The following NUP210L variants were observed in gnomAD, a reference collection of about 807,000 sequenced individuals.
NUP210L encodes nucleoporin 210 like.
In NUP210L, 74 loss-of-function variants were observed where a neutral mutation model predicts 208.5. That is an observed-to-expected ratio of 0.35 (90% CI 0.29 to 0.43). The LOEUF (loss-of-function observed/expected upper bound fraction) is 0.43. NUP210L is among the 20% of genes least tolerant of loss of function. The pLI, the probability that NUP210L is intolerant of heterozygous loss-of-function variation, is 1.00. For synonymous variants in NUP210L, 780 were observed against 816.9 expected (o/e 0.95, Z 0.77); for missense variants, 1,843 against 2,289.4 (o/e 0.81, Z 3.98).
chr1:154,029,754 G>T (rs1652106616), intron 28 of NUP210L, 142 bp downstream of exon 28: 3 of 638,112 alleles, frequency 4.7e-6, no homozygotes, highest in Non-Finnish European at 7.9e-6. Flanking sequence ...GAATTATAAA[G>T]ATCTAGGAAG....
At chr1:153,994,729 T>A (rs1649721615) in intron 38 of NUP210L, among the ~76,000 whole-genome samples, 1 of 151,766 alleles carries the variant, frequency 6.6e-6, no homozygotes, top group Non-Finnish European at 1.5e-5. Context: ...ATAAGGCAGT[T>A]TCATCTGGGC....
intron 10 of NUP210L, 136 bp downstream of exon 10, chr1:154,126,187 T>C (rs1175792671): frequency 1.4e-6 from 1 of 689,760 alleles, no homozygotes; most frequent in Admixed American, 3.0e-5. Context: ...GGTATACACT[T>C]ACGAATTTGC....
At chr1:154,041,377 C>T (rs933350891) in intron 27 of NUP210L, among the ~76,000 whole-genome samples, 10 of 152,118 alleles carry the variant, frequency 6.6e-5, no homozygotes, top group African/African-American at 1.4e-4. Flanking sequence ...GTCACTCAGG[C>T]TGGAGTACAG....
intron 27 of NUP210L, among the ~76,000 whole-genome samples, chr1:154,036,365 ACT>A (rs1652549546): frequency 1.4e-5 from 1 of 72,422 alleles, no homozygotes; most frequent in Non-Finnish European, 3.1e-5. Context: ...TGTGTGTATA[ACT>A]TTTTTTTTTT....
At chr1:154,047,046 G>A (rs979989986) in intron 25 of NUP210L, among the ~76,000 whole-genome samples, 8 of 151,992 alleles carry the variant, frequency 5.3e-5, no homozygotes, top group African/African-American at 9.7e-5. Flanking sequence ...CAACAAGAGC[G>A]AAACTCCGAC....
chr1:154,022,826 C>T (rs915036533), intron 31 of NUP210L, among the ~76,000 whole-genome samples: 1 of 151,050 alleles, frequency 6.6e-6, no homozygotes, highest in South Asian at 2.1e-4. Context: ...TACAGGCACA[C>T]GCTACCACAC....
At chr1:154,029,661 G>C (rs562460083) in intron 28 of NUP210L, among the ~76,000 whole-genome samples, 30 of 152,246 alleles carry the variant, frequency 2.0e-4, no homozygotes, top group African/African-American at 6.7e-4. Context: ...TTGCACTCCA[G>C]CCTTGGCAAC....
chr1:154,038,855 C>T (rs1320212507), intron 27 of NUP210L, among the ~76,000 whole-genome samples: 4 of 152,094 alleles, frequency 2.6e-5, no homozygotes, highest in Admixed American at 6.6e-5. Context: ...ACACTGGTTG[C>T]GTAAACACAC....
chr1:154,066,543 G>A (rs1166636597), intron 17 of NUP210L, among the ~76,000 whole-genome samples: 4 of 152,168 alleles, frequency 2.6e-5, no homozygotes, highest in South Asian at 2.1e-4. Flanking sequence ...CCCGGGAGGC[G>A]AAGCTTGCAG....
At chr1:154,122,916 T>C (rs370825562) in intron 10 of NUP210L, among the ~76,000 whole-genome samples, 25 of 151,600 alleles carry the variant, frequency 1.6e-4, no homozygotes, top group African/African-American at 5.3e-4. Flanking sequence ...CTGGGAGTGG[T>C]GGAATGCACC....
In NUP210L at chr1:154,012,207, T is replaced by C. The variant is rs772162309; in HGVS notation, c.4780+37A>G. On this transcript the variant is annotated intron_variant, in intron 34 of 39. Transcript: ENST00000368559. The stretch of plus-strand genomic sequence containing the variant: ...ATGAATTGAGGGAAAACGAGAAAGA[T>C]AGGAACAATCACTGAAACCATGAAG... The C allele has an allele frequency of 6.9e-6, 11 of 1,600,688 alleles. 1 individual carries two copies. The highest frequency in any genetic ancestry group is 3.3e-4 in the Middle Eastern group (2 of 6,010).
chr1:154,040,263 G>T (rs746037269), intron 27 of NUP210L, among the ~76,000 whole-genome samples: 39 of 152,010 alleles, frequency 2.6e-4, no homozygotes, highest in Non-Finnish European at 3.8e-4. Context: ...AGAGGAGCTG[G>T]GTGTAGTGGT....
chr1:154,120,833 T>A (rs1164007556), intron 10 of NUP210L, among the ~76,000 whole-genome samples: 1 of 144,234 alleles, frequency 6.9e-6, no homozygotes, highest in Non-Finnish European at 1.5e-5. Context: ...GAGGCGGAGG[T>A]TGCAGTGAGC....
chr1:154,028,425 A>G lies in NUP210L; in HGVS notation c.3856-828T>C, dbSNP rs1440240057. Among the ~76,000 whole-genome samples, 4 of 152,028 alleles carry G rather than the reference A, an allele frequency of 2.6e-5. No homozygotes were observed. In the East Asian group the frequency reaches 7.7e-4, roughly 29 times the overall value. On this transcript the variant is annotated intron_variant, in intron 28 of 39. Coordinates refer to ENST00000368559, the Ensembl canonical transcript of NUP210L. Reference sequence around the variant, plus strand: ...AACATAACGAAACTCCATCTCTACTAAAAATACAAAAAGTAGCCAGGCATG... The same window carrying G: ...AACATAACGAAACTCCATCTCTACTGAAAATACAAAAAGTAGCCAGGCATG...
chr1:154,066,533 C>A (rs1654426501), intron 17 of NUP210L, among the ~76,000 whole-genome samples: 1 of 152,214 alleles, frequency 6.6e-6, no homozygotes, highest in African/African-American at 2.4e-5. Context: ...ATGGTATGAA[C>A]CCGGGAGGCG....
intron 1 of NUP210L, among the ~76,000 whole-genome samples, chr1:154,153,405 G>C (rs1338695093): frequency 2.0e-5 from 3 of 152,168 alleles, no homozygotes; most frequent in African/African-American, 7.2e-5. Context: ...CGCCTCCAGG[G>C]TTCAAGCGAT....
At chr1:154,119,182 G>A (rs563672920) in intron 10 of NUP210L, among the ~76,000 whole-genome samples, 1 of 152,086 alleles carries the variant, frequency 6.6e-6, no homozygotes, top group African/African-American at 2.4e-5. Context: ...GATACTATAA[G>A]CTATTCAGAA....
chr1:154,055,112 CT>C (rs1557943888), intron 23 of NUP210L, among the ~76,000 whole-genome samples: 3 of 140,648 alleles, frequency 2.1e-5, no homozygotes, highest in Non-Finnish European at 4.6e-5. Context: ...TCTTTTCTTT[CT>C]CTTTCTTTCT....
chr1:154,133,414 G>A (rs371125658), intron 7 of NUP210L, among the ~76,000 whole-genome samples: 1 of 152,042 alleles, frequency 6.6e-6, no homozygotes, highest in Non-Finnish European at 1.5e-5. Context: ...AGTATGGCAC[G>A]GTGGTGTATG....
Sources: gnomAD v4.1 joint callset for allele counts (sites outside exome capture counted in the v4.1 genomes callset) on GRCh38, gnomAD v4.1.1 for gene constraint, MANE v1.5 for transcripts, NCBI Gene and HGNC (gene_info 2026-07-23, HGNC 2026-07-21) for gene names.